The following KCNQ5 variants were observed in gnomAD, a reference collection of about 807,000 sequenced individuals.
KCNQ5 encodes the protein potassium voltage-gated channel subfamily KQT member 5.
A neutral mutation model predicts 98.2 loss-of-function variants in KCNQ5; 30 were observed. That is an observed-to-expected ratio of 0.31 (90% CI 0.23 to 0.41). The LOEUF is 0.41. Ranked by LOEUF, KCNQ5 falls within the 10% of genes least tolerant of loss-of-function variation. KCNQ5 has a pLI of 1.00. For missense variants in KCNQ5, 835 were observed against 1,182.5 expected (o/e 0.71, Z 4.31); for synonymous variants, 458 against 449.4 (o/e 1.02, Z -0.24).
chr6:72,763,236 C>G (rs59811652), intron 1 of KCNQ5, among the ~76,000 whole-genome samples: 8,442 of 151,900 alleles, frequency 0.056, 772 homozygotes, highest in African/African-American at 0.19. Context: ...TATTAACAAG[C>G]CTTACATTAA....
chr6:72,889,657 A>G (rs1252580790), intron 1 of KCNQ5, among the ~76,000 whole-genome samples: 1 of 152,204 alleles, frequency 6.6e-6, no homozygotes, highest in Non-Finnish European at 1.5e-5. Context: ...AAAGAAGAGA[A>G]CACAGAAATA....
intron 1 of KCNQ5, among the ~76,000 whole-genome samples, chr6:72,938,689 G>A (rs1477287480): frequency 6.6e-6 from 1 of 151,996 alleles, no homozygotes; most frequent in African/African-American, 2.4e-5. Context: ...CCAGCAAATT[G>A]TACATTTAAA....
intron 1 of KCNQ5, among the ~76,000 whole-genome samples, chr6:72,736,601 G>C (rs1401392493): frequency 5.8e-5 from 8 of 138,538 alleles, no homozygotes; most frequent in African/African-American, 1.4e-4. Flanking sequence ...CCGGGTTCAC[G>C]CCATTCTCCT....
chr6:73,072,618 A>G (rs1316007095), intron 3 of KCNQ5, among the ~76,000 whole-genome samples: 1 of 152,208 alleles, frequency 6.6e-6, no homozygotes, highest in Non-Finnish European at 1.5e-5. Flanking sequence ...AGTGGCATCT[A>G]AAAATAAGCT....
intron 1 of KCNQ5, among the ~76,000 whole-genome samples, chr6:72,816,641 G>A (rs918078304): frequency 7.9e-5 from 12 of 152,258 alleles, no homozygotes; most frequent in East Asian, 1.9e-4. Flanking sequence ...CTAGATTAAC[G>A]TAACAATTAA....
At chr6:72,729,160 A>G (rs1430978036) in intron 1 of KCNQ5, among the ~76,000 whole-genome samples, 1 of 152,188 alleles carries the variant, frequency 6.6e-6, no homozygotes, top group Non-Finnish European at 1.5e-5. Context: ...TACAGGACAA[A>G]TGAGGTGTTT....
At chr6:72,784,871 C>A (rs563121264) in intron 1 of KCNQ5, among the ~76,000 whole-genome samples, 1 of 152,108 alleles carries the variant, frequency 6.6e-6, no homozygotes, top group South Asian at 2.1e-4. Flanking sequence ...TAGAGATTAC[C>A]CCAGAAGAGA....
intron 1 of KCNQ5, among the ~76,000 whole-genome samples, chr6:72,813,867 G>C (rs185333194): frequency 6.6e-6 from 1 of 151,652 alleles, no homozygotes; most frequent in Admixed American, 6.6e-5. Flanking sequence ...AAATATTCTT[G>C]TCCTCTTGTT....
At chr6:72,948,656 A>G (rs1766657348) in intron 1 of KCNQ5, among the ~76,000 whole-genome samples, 2 of 152,044 alleles carry the variant, frequency 1.3e-5, no homozygotes, top group African/African-American at 4.8e-5. Flanking sequence ...TCCTTAAGTT[A>G]TTTTCTATAT....
chr6:73,022,748 G>C (rs4397191), intron 2 of KCNQ5, among the ~76,000 whole-genome samples: 96,176 of 152,100 alleles, frequency 0.63, 34,529 homozygotes, highest in Non-Finnish European at 0.8. Context: ...GGTTACAAGA[G>C]AGGAAGGGAC....
At chr6:72,668,828 C>T (rs1766954267) in intron 1 of KCNQ5, among the ~76,000 whole-genome samples, 1 of 150,860 alleles carries the variant, frequency 6.6e-6, no homozygotes, top group South Asian at 2.1e-4. Flanking sequence ...CCACATCAGC[C>T]AGCACCAAGA....
At chr6:73,071,900 C>T (rs185812188) in intron 3 of KCNQ5, among the ~76,000 whole-genome samples, 145 of 152,130 alleles carry the variant, frequency 9.5e-4, no homozygotes, top group Middle Eastern at 3.4e-3. Flanking sequence ...AGTGTCCTAC[C>T]TTATATACAT....
chr6:72,904,669 T>C (rs1362917922), intron 1 of KCNQ5, among the ~76,000 whole-genome samples: 1 of 152,196 alleles, frequency 6.6e-6, no homozygotes, highest in African/African-American at 2.4e-5. Context: ...AATTGTTTTG[T>C]TTGAAGAAGC....
rs62412470 is a variant in KCNQ5, at chr6:72,830,097, T to A, written c.399-173811T>A. On this transcript the variant is annotated intron_variant, in intron 1 of 13. Transcript: ENST00000370398. ...CAAAATGAAAGAGGACACAAACAAA[T>A]GGAAGAACATTCCATGCTCATGGAT... Among the ~76,000 whole-genome samples, 336 of 151,930 alleles carry A rather than the reference T, an allele frequency of 2.2e-3. 2 individuals carry two copies. Among genetic ancestry groups the A allele is most frequent in the African/African-American group, 7.2e-3 (300 of 41,442 alleles).
intron 1 of KCNQ5, among the ~76,000 whole-genome samples, chr6:72,673,689 C>T (rs1317825084): frequency 6.6e-6 from 1 of 152,104 alleles, no homozygotes; most frequent in Non-Finnish European, 1.5e-5. Context: ...GGGTACACCC[C>T]ACTCTTCCTT....
chr6:72,869,815 AAGCTGGACAT>A (rs1247910383), intron 1 of KCNQ5, among the ~76,000 whole-genome samples: 1 of 152,246 alleles, frequency 6.6e-6, no homozygotes, highest in Non-Finnish European at 1.5e-5. Flanking sequence ...TGTCGGGTCA[AAGCTGGACAT>A]GGGGTGCACC....
intron 1 of KCNQ5, among the ~76,000 whole-genome samples, chr6:72,658,574 A>AT (rs1398794999): frequency 1.5e-4 from 10 of 65,468 alleles, no homozygotes; most frequent in South Asian, 1.1e-3. Flanking sequence ...ATATATATAT[A>AT]TATATTTTTT....
intron 1 of KCNQ5, among the ~76,000 whole-genome samples, chr6:72,822,674 A>C (rs779961002): frequency 6.6e-6 from 1 of 152,186 alleles, no homozygotes; most frequent in Non-Finnish European, 1.5e-5. Flanking sequence ...ATAGGACAGC[A>C]AATCAATCTA....
chr6:72,956,439 T>TG (rs1312747277), intron 1 of KCNQ5, among the ~76,000 whole-genome samples: 1 of 151,616 alleles, frequency 6.6e-6, no homozygotes, highest in South Asian at 2.1e-4. Flanking sequence ...CCTTGAGGGC[T>TG]GGGGGGAAGA....
Sources: allele counts gnomAD v4.1 joint callset (sites outside exome capture counted in the v4.1 genomes callset), GRCh38; gene constraint gnomAD v4.1.1; transcripts MANE v1.5; gene names NCBI Gene and HGNC (gene_info 2026-07-23, HGNC 2026-07-21).